Variants in ZNF44 observed in about 807,000 individuals in gnomAD.
ZNF44 encodes the protein gonadotropin inducible transcription repressor-2.
A neutral mutation model predicts 11.7 loss-of-function variants in ZNF44; 9 were observed. That is an observed-to-expected ratio of 0.77 (90% CI 0.46 to 1.35). The LOEUF is 1.35. Ranked by LOEUF, ZNF44 falls within the 40% of genes most tolerant of loss-of-function variation. ZNF44 has a pLI of 0.00. For missense variants in ZNF44, 696 were observed against 743.1 expected, an observed-to-expected ratio of 0.94 and a Z score of 0.74; for synonymous variants, 224 against 242.7, an observed-to-expected ratio of 0.92 and a Z score of 0.72.
intron 5 of ZNF44, among the ~76,000 whole-genome samples, chr19:12,259,154 C>T (rs1009342596): frequency 2.0e-5 from 3 of 152,164 alleles, no homozygotes; most frequent in African/African-American, 4.8e-5. Context: ...GGATTACAGG[C>T]ATGAGCCACC....
At chr19:12,260,325 T>G in intron 5 of ZNF44, 2 of 905,260 alleles carry the variant, frequency 2.2e-6, no homozygotes, top group Non-Finnish European at 1.8e-6. Flanking sequence ...GAAGCAGAGA[T>G]CCGGCCAGCC....
intron 7 of ZNF44, chr19:12,249,866 A>G: frequency 3.9e-6 from 3 of 771,364 alleles, no homozygotes; most frequent in Non-Finnish European, 5.4e-6. Flanking sequence ...AATATTTTCT[A>G]AGAACAGATA....
chr19:12,247,842 CCA>C (rs1916819168), exon 8 of ZNF44: 2 of 1,301,984 alleles, frequency 1.5e-6, no homozygotes, highest in Non-Finnish European at 2.0e-6. Context: ...GTAAGTTTTC[CCA>C]CACAGTTTAC....
At chr19:12,288,778 A>ATG (rs1568458300) in intron 1 of ZNF44, among the ~76,000 whole-genome samples, 3 of 38,146 alleles carry the variant, frequency 7.9e-5, no homozygotes, top group East Asian at 5.1e-4. Context: ...AAAAATGTAT[A>ATG]TATATATATA....
At chr19:12,226,436 A>G (rs148644800) in exon 4 of ZNF44, 1 of 152,202 alleles carries the variant, frequency 6.6e-6, no homozygotes, top group Non-Finnish European at 1.5e-5. Flanking sequence ...CAAGGGCTTT[A>G]TTGGCTCCAT....
chr19:12,285,749 T>C (rs1467853924), intron 1 of ZNF44, among the ~76,000 whole-genome samples: 1 of 152,018 alleles, frequency 6.6e-6, no homozygotes, highest in Non-Finnish European at 1.5e-5. Context: ...CCAGGCGCGG[T>C]GGCTCACGCC....
intron 5 of ZNF44, chr19:12,260,579 C>T: frequency 1.5e-6 from 1 of 680,282 alleles, no homozygotes; most frequent in Non-Finnish European, 2.6e-6. Flanking sequence ...CTGGCTTTCT[C>T]ACCACCAGCC....
At chr19:12,283,654 AAG>A (rs1274727896) in intron 1 of ZNF44, among the ~76,000 whole-genome samples, 1 of 152,220 alleles carries the variant, frequency 6.6e-6, no homozygotes, top group Non-Finnish European at 1.5e-5. Flanking sequence ...CTTATTTAAC[AAG>A]AGTCTTCTTA....
At chr19:12,234,162 A>G (rs906614671) in intron 2 of ZNF44, among the ~76,000 whole-genome samples, 1 of 152,130 alleles carries the variant, frequency 6.6e-6, no homozygotes, top group African/African-American at 2.4e-5. Context: ...GTTTTCTGCC[A>G]TGTATGAATT....
Position 12,273,909 on chromosome 19 carries a change from A to G in ZNF44, c.346T>C (p.Ser116Pro), listed in dbSNP as rs1469317231. The G allele has an allele frequency of 6.2e-7, 1 of 1,614,148 alleles. No homozygotes were observed. The highest frequency in any genetic ancestry group is 1.7e-5 in the Admixed American group (1 of 60,004). Residue 116 changes from serine (S) to proline (P), a missense_variant, in exon 4 of 4, where the codon TCA (serine) becomes CCA (proline). Transcript: ENST00000355684. ...SVNGEVIMGHSSLNCYIRVDT... is the reference protein window; with the variant it reads ...SVNGEVIMGHPSLNCYIRVDT... ...ACTCTGATGTAGCAATTCAGGGATG[A>G]ATGACCCATTATGACTTCTCCATTC...
In ZNF44 at chr19:12,273,705, G is replaced by A; in HGVS notation, c.550C>T (p.Leu184Phe). The change falls in exon 4 of 4, where the codon CTT (leucine) becomes TTT (phenylalanine). Residue 184 changes from leucine (L) to phenylalanine (F), a missense_variant. Physicochemically the swap from Leu to Phe is conservative, Grantham distance 22. Transcript: ENST00000355684. ...CGKTFSSPGN[L>F]RRHMVVKGGD... ...CCTTTTACTACCATATGTCTTCGAA[G>A]GTTTCCAGGAGAACTGAAGGTTTTT... 1 of 1,614,116 alleles carries A rather than the reference G, an allele frequency of 6.2e-7. No homozygotes were observed. The highest frequency in any genetic ancestry group is 8.5e-7 in the Non-Finnish European group (1 of 1,180,028).
At chr19:12,284,826 G>A (rs1283301565) in intron 1 of ZNF44, 5 of 1,182,400 alleles carry the variant, frequency 4.2e-6, no homozygotes, top group African/African-American at 1.5e-5. Context: ...GAACAAGATC[G>A]GCAAGCCCCA....
chr19:12,261,628 T>A (rs1917515585), intron 5 of ZNF44, among the ~76,000 whole-genome samples: 1 of 152,206 alleles, frequency 6.6e-6, no homozygotes, highest in Non-Finnish European at 1.5e-5. Flanking sequence ...GACCATGTCC[T>A]CTGTCTCTAA....
chr19:12,248,045 G>A (rs1339192232), exon 8 of ZNF44: 1 of 1,336,764 alleles, frequency 7.5e-7, no homozygotes, highest in Non-Finnish European at 9.9e-7. Flanking sequence ...TTTCTCCAGT[G>A]TGAGTTCTTT....
chr19:12,292,867 T>TGTTG (rs59317931), intron 1 of ZNF44, among the ~76,000 whole-genome samples: 5 of 131,730 alleles, frequency 3.8e-5, no homozygotes, highest in Middle Eastern at 3.2e-3. Flanking sequence ...TTTTTTTTTT[T>TGTTG]TTTTTTTTTT....
intron 7 of ZNF44, chr19:12,249,927 T>C: frequency 1.8e-6 from 2 of 1,139,370 alleles, no homozygotes; most frequent in Non-Finnish European, 2.3e-6. Flanking sequence ...TTTAATGACA[T>C]ACTAAGATTT....
upstream of ZNF44, among the ~76,000 whole-genome samples, chr19:12,240,171 C>T (rs921123723): frequency 6.6e-6 from 1 of 152,044 alleles, no homozygotes; most frequent in South Asian, 2.1e-4. Context: ...AGGCCGGGCA[C>T]AATGGCTCAC....
chr19:12,243,937 C>T (rs960036199), downstream of ZNF44, among the ~76,000 whole-genome samples: 5 of 152,022 alleles, frequency 3.3e-5, no homozygotes, highest in South Asian at 2.1e-4. Flanking sequence ...ATTTGCTTTC[C>T]GGCCATTTGT....
intron 2 of ZNF44, among the ~76,000 whole-genome samples, chr19:12,233,210 C>T (rs528814814): frequency 6.6e-6 from 1 of 152,164 alleles, no homozygotes; most frequent in South Asian, 2.1e-4. Flanking sequence ...ATGTCTGCCC[C>T]AAAATAACCT....
Sources: gnomAD v4.1 joint callset for allele counts (sites outside exome capture counted in the v4.1 genomes callset) on GRCh38, gnomAD v4.1.1 for gene constraint, MANE v1.5 for transcripts, NCBI Gene and HGNC (gene_info 2026-07-23, HGNC 2026-07-21) for gene names.